MUSK: variants seen among roughly 807,000 people sequenced by gnomAD.
MUSK encodes muscle, skeletal receptor tyrosine-protein kinase.
MUSK carries 55 observed loss-of-function variants against 88.7 expected under a neutral mutation model. That is an observed-to-expected ratio of 0.62 (90% CI 0.50 to 0.78). MUSK has a LOEUF of 0.78. MUSK is among the 30% of genes least tolerant of loss of function. The pLI, the probability that MUSK is intolerant of heterozygous loss-of-function variation, is 0.00. For missense variants in MUSK, 1,015 were observed against 1,074.3 expected, an observed-to-expected ratio of 0.94 and a Z score of 0.77; for synonymous variants, 387 against 391.9, an observed-to-expected ratio of 0.99 and a Z score of 0.15.
Position 110,804,353 on chromosome 9 carries a change from T to C in MUSK, c.*3365T>C, listed in dbSNP as rs528890533. ...TATGTGGTTTCATATTCTGCAGAAATATTACTGCCACTTCTACATTGTACA... is the reference window on the plus strand; with the variant it reads ...TATGTGGTTTCATATTCTGCAGAAACATTACTGCCACTTCTACATTGTACA... On this transcript the variant is annotated 3_prime_UTR_variant, in exon 15 of 15. Transcript: ENST00000374448. Among the ~76,000 whole-genome samples, 1 of 152,266 alleles carries C rather than the reference T, an allele frequency of 6.6e-6. No homozygotes were observed. The highest frequency in any genetic ancestry group is 2.1e-4 in the South Asian group (1 of 4,834).
At chr9:110,776,491 C>A in intron 10 of MUSK, 141 bp from the exon 11 acceptor site, 1 of 686,556 alleles carries the variant, frequency 1.5e-6, no homozygotes, top group Non-Finnish European at 2.5e-6. Context: ...AATTCTTTCA[C>A]ATTCGAATGC....
chr9:110,749,671 C>A (rs2077223895), intron 7 of MUSK, among the ~76,000 whole-genome samples: 1 of 152,198 alleles, frequency 6.6e-6, no homozygotes, highest in African/African-American at 2.4e-5. Flanking sequence ...TCAGGAGGCT[C>A]TTCCAGGTGT....
At position 110,800,419 on chromosome 9, in the gene MUSK, A is replaced by C; in HGVS notation, c.2041A>C (p.Ser681Arg). Reference protein sequence around the residue: ...SPHTVCSLSHSDLSMRAQVSS... With the variant: ...SPHTVCSLSHRDLSMRAQVSS... ...TCACACCGTGTGCAGCCTCAGTCAC[A>C]GTGACTTGTCTATGAGGGCTCAGGT... The change falls in exon 15 of 15, where the codon AGT (serine) becomes CGT (arginine). Residue 681 changes from serine (S) to arginine (R), a missense_variant. Transcript: ENST00000374448. 1.9e-6 allele frequency: 3 copies of C among 1,613,834 alleles called. No homozygotes were observed. The highest frequency in any genetic ancestry group is 2.5e-6 in the Non-Finnish European group (3 of 1,179,848).
At chr9:110,778,003 A>G (rs2077696749) in intron 11 of MUSK, among the ~76,000 whole-genome samples, 1 of 152,086 alleles carries the variant, frequency 6.6e-6, no homozygotes, top group Non-Finnish European at 1.5e-5. Flanking sequence ...TCAATAGTGG[A>G]GCAAAGAAAA....
At chr9:110,700,541 G>A (rs775784285) in intron 5 of MUSK, among the ~76,000 whole-genome samples, 2 of 152,038 alleles carry the variant, frequency 1.3e-5, no homozygotes, top group Non-Finnish European at 2.9e-5. Context: ...TCAGAGAAAA[G>A]GGAGGAGTCA....
intron 4 of MUSK, 40 bp from the exon 5 acceptor site, chr9:110,697,285 C>A (rs759792090): frequency 1.2e-6 from 2 of 1,606,614 alleles, no homozygotes; most frequent in South Asian, 1.1e-5. Flanking sequence ...CCTTGATAGA[C>A]CCATAAACAT....
intron 5 of MUSK, chr9:110,728,629 G>A: frequency 9.3e-7 from 1 of 1,075,608 alleles, no homozygotes; most frequent in Non-Finnish European, 1.4e-6. Flanking sequence ...TTTTCATGAT[G>A]TGTTGTTTTG....
chr9:110,752,143 T>C (rs2077256134), intron 7 of MUSK, among the ~76,000 whole-genome samples: 1 of 152,142 alleles, frequency 6.6e-6, no homozygotes, highest in Non-Finnish European at 1.5e-5. Context: ...ATGAGTGTGA[T>C]TGAATAAGAC....
intron 7 of MUSK, among the ~76,000 whole-genome samples, chr9:110,756,718 G>A (rs1254402816): frequency 6.6e-6 from 1 of 152,076 alleles, no homozygotes; most frequent in Non-Finnish European, 1.5e-5. Flanking sequence ...TTGCTGAGAT[G>A]CCCTTCATCT....
At chr9:110,781,549 T>C (rs2132010866) in intron 11 of MUSK, among the ~76,000 whole-genome samples, 1 of 152,300 alleles carries the variant, frequency 6.6e-6, no homozygotes, top group South Asian at 2.1e-4. Context: ...GTGCTGGGAT[T>C]ACAGGCGTGA....
Position 110,785,697 on chromosome 9 carries a change from T to C in MUSK, c.1757T>C (p.Phe586Ser), listed in dbSNP as rs771679900. The C allele has an allele frequency of 6.2e-7, 1 of 1,605,400 alleles. No homozygotes were observed. The highest frequency in any genetic ancestry group is 1.1e-5 in the South Asian group (1 of 89,144). The change falls in exon 13 of 15, where the codon TTT becomes TCT. Residue 586 changes from phenylalanine (F) to serine (S), a missense_variant. Physicochemically the swap from Phe to Ser is radical, Grantham distance 155. Transcript: ENST00000374448. ...EYVRDIGEGA[F>S]GRVFQARAPG... ...GTGAGAGACATCGGAGAGGGAGCGT[T>C]TGGAAGGGTGTTTCAAGCAAGGTAA...
At chr9:110,736,715 G>A (rs1053756058) in intron 6 of MUSK, among the ~76,000 whole-genome samples, 5 of 152,014 alleles carry the variant, frequency 3.3e-5, no homozygotes, top group African/African-American at 4.8e-5. Context: ...ATTACCTGCT[G>A]TGCATTGTTT....
At chr9:110,734,030 T>C (rs2076997520) in intron 5 of MUSK, among the ~76,000 whole-genome samples, 1 of 152,066 alleles carries the variant, frequency 6.6e-6, no homozygotes, top group Admixed American at 6.6e-5. Context: ...AGTTTCCATG[T>C]TAAGAACAAG....
chr9:110,681,086 A>ATT (rs367772987), intron 1 of MUSK, among the ~76,000 whole-genome samples: 469 of 20,374 alleles, frequency 0.023, 76 homozygotes, highest in African/African-American at 0.12. Flanking sequence ...TATATTATAT[A>ATT]ATATATATTA....
chr9:110,702,662 A>T (rs2131742297), intron 5 of MUSK, among the ~76,000 whole-genome samples: 2 of 152,276 alleles, frequency 1.3e-5, no homozygotes, highest in Non-Finnish European at 2.9e-5. Flanking sequence ...TAATCCCAGC[A>T]CATTGGGAGG....
chr9:110,696,854 C>T (rs1168721655), intron 4 of MUSK, among the ~76,000 whole-genome samples: 1 of 151,752 alleles, frequency 6.6e-6, no homozygotes, highest in Non-Finnish European at 1.5e-5. Flanking sequence ...CAAGGATGAA[C>T]TGTATAGTGG....
At position 110,674,091 on chromosome 9, in the gene MUSK, C is replaced by T. The variant is rs568453516; in HGVS notation, c.79+5108C>T. 7.5e-4 allele frequency among the ~76,000 whole-genome samples: 114 copies of T among 151,992 alleles called. 2 individuals are homozygous for T. In the Middle Eastern group the frequency reaches 0.01, roughly 14 times the overall value. ...TTCACCTCACTGAGAAAAAAAAAGA[C>T]GTGGATTTGTTGCTCTTGTTTATTT... On this transcript the variant is annotated intron_variant, in intron 1 of 14. Coordinates refer to ENST00000374448, the MANE Select transcript of MUSK (RefSeq NM_005592.4).
chr9:110,702,897 T>TA (rs556223207), intron 5 of MUSK, among the ~76,000 whole-genome samples: 19 of 146,820 alleles, frequency 1.3e-4, no homozygotes, highest in South Asian at 8.7e-4. Context: ...TGTCTCAAAA[T>TA]AAAAAAATAA....
chr9:110,732,175 A>G (rs1482695259), intron 5 of MUSK, among the ~76,000 whole-genome samples: 1 of 152,000 alleles, frequency 6.6e-6, no homozygotes, highest in Non-Finnish European at 1.5e-5. Context: ...AGATTTTCCA[A>G]ATCTCTCAAA....
Sources: gnomAD v4.1 joint callset for allele counts (sites outside exome capture counted in the v4.1 genomes callset) on GRCh38, gnomAD v4.1.1 for gene constraint, MANE v1.5 for transcripts, NCBI Gene and HGNC (gene_info 2026-07-23, HGNC 2026-07-21) for gene names.